Variants in FLRT2 observed in about 807,000 individuals in gnomAD.
FLRT2 encodes the protein leucine-rich repeat transmembrane protein FLRT2.
Under a neutral mutation model 40.0 loss-of-function variants are expected in FLRT2, and 15 were observed. The ratio of observed to expected loss-of-function variants is 0.38; its 90% CI spans 0.25 to 0.58. FLRT2 has a LOEUF of 0.58. Ranked by LOEUF, FLRT2 falls within the 20% of genes least tolerant of loss-of-function variation. The pLI is 0.71. For missense variants in FLRT2, 726 were observed against 840.0 expected, an observed-to-expected ratio of 0.86 and a Z score of 1.68; for synonymous variants, 380 against 336.8, an observed-to-expected ratio of 1.13 and a Z score of -1.41.
At chr14:85,551,755 G>A (rs753298060) in intron 1 of FLRT2, 1 of 152,164 alleles carries the variant, frequency 6.6e-6, no homozygotes, top group Admixed American at 6.5e-5. Flanking sequence ...GTGAGAAAAG[G>A]TAGCCATGTG....
rs1010230322 is a variant in FLRT2 at position 85,538,922 on chromosome 14, A to G, written c.-377+8388A>G. Among the ~76,000 whole-genome samples the G allele has an allele frequency of 2.6e-5, 4 of 152,088 alleles. No individual in the cohort carries two copies. The South Asian group carries it at 8.3e-4, about 32-fold the overall frequency. On this transcript the variant is annotated intron_variant, in intron 1 of 1. Transcript: ENST00000330753. ...TAGCATCTAAACAGCCTCTGTAATG[A>G]TTTCCTCTCCCACTTTGCTCCCAAA...
intron 1 of FLRT2, among the ~76,000 whole-genome samples, chr14:85,611,608 T>C (rs1892864378): frequency 6.6e-6 from 1 of 152,132 alleles, no homozygotes. Context: ...CTTTATAAGA[T>C]GAACCAAGTA....
In FLRT2 at chr14:85,634,737, G is replaced by A. The variant is rs1475868554; in HGVS notation, c.*11240G>A. On this transcript the variant is annotated 3_prime_UTR_variant, in exon 2 of 2. Coordinates refer to ENST00000330753, the MANE Select transcript of FLRT2 (RefSeq NM_013231.6). ...ACAGTAACCATACTGCACAGTGCCT[G>A]ACACATATAAAGTGCTCAATAAATG... 4 of 152,156 alleles carry A rather than the reference G, an allele frequency of 2.6e-5. No homozygotes were observed. Among genetic ancestry groups the A allele is most frequent in the African/African-American group, 9.7e-5 (4 of 41,440 alleles). 9.4% of individuals were successfully genotyped at this position (152,156 alleles called of 1,614,324 possible).
At chr14:85,595,018 C>A (rs1373354262) in intron 1 of FLRT2, among the ~76,000 whole-genome samples, 1 of 151,998 alleles carries the variant, frequency 6.6e-6, no homozygotes, top group East Asian at 1.9e-4. Context: ...AGTTCTTTAT[C>A]CTCATCTTCT....
rs34224453 is a variant in FLRT2 at position 85,642,132 on chromosome 14, C to CAAAAAAAAAAAAAAAAAAAA, written c.*18650_*18651insAAAAAAAAAAAAAAAAAAAA. The CAAAAAAAAAAAAAAAAAAAA allele has an allele frequency of 7.8e-6, 1 of 128,796 alleles. No individual in the cohort carries two copies. The highest frequency in any genetic ancestry group is 1.6e-5 in the Non-Finnish European group (1 of 62,278). The allele number at this position is 128,796 out of a possible 1,614,324, so 8.0% of individuals were successfully genotyped here. A position where few individuals can be genotyped will look rare whatever the true frequency, so the allele number is the denominator to read the frequency against. ...CTTACAGTTTCAAGGTTGCTGTTGA[C>CAAAAAAAAAAAAAAAAAAAA]AAAAAAAAAAAAAAAGAAAGAAAGA... On this transcript the variant is annotated 3_prime_UTR_variant, in exon 2 of 2. Coordinates refer to ENST00000330753, the MANE Select transcript of FLRT2 (RefSeq NM_013231.6).
chr14:85,582,177 C>A (rs929725560), intron 1 of FLRT2, among the ~76,000 whole-genome samples: 2 of 151,962 alleles, frequency 1.3e-5, no homozygotes, highest in Admixed American at 1.3e-4. Flanking sequence ...ACAAATGGAG[C>A]GTTGATAGAA....
chr14:85,595,225 T>C (rs12896658), intron 1 of FLRT2, among the ~76,000 whole-genome samples: 63,769 of 151,866 alleles, frequency 0.42, 13,830 homozygotes, highest in East Asian at 0.77. Flanking sequence ...CCAAGTATAC[T>C]TCCATAATGC....
chr14:85,610,370 A>G (rs1378365040), intron 1 of FLRT2, among the ~76,000 whole-genome samples: 5 of 152,106 alleles, frequency 3.3e-5, no homozygotes, highest in African/African-American at 4.8e-5. Flanking sequence ...CTTCATCATT[A>G]CTTCTCAAGA....
intron 1 of FLRT2, among the ~76,000 whole-genome samples, chr14:85,567,995 A>G (rs1400691046): frequency 1.3e-5 from 2 of 152,022 alleles, no homozygotes; most frequent in Non-Finnish European, 2.9e-5. Flanking sequence ...TAGAAACAGC[A>G]TGACTTGCCG....
chr14:85,587,270 T>C, intron 1 of FLRT2, among the ~76,000 whole-genome samples: 1 of 145,458 alleles, frequency 6.9e-6, no homozygotes, highest in Non-Finnish European at 1.5e-5. Flanking sequence ...ATCCAGTTTG[T>C]AGCTGGCTAA....
intron 1 of FLRT2, among the ~76,000 whole-genome samples, chr14:85,564,055 A>T (rs8014672): frequency 1.3e-5 from 2 of 152,020 alleles, no homozygotes; most frequent in Admixed American, 6.6e-5. Flanking sequence ...TCCTACATAG[A>T]TGAACTTATT....
chr14:85,604,431 C>A lies in FLRT2; in HGVS notation c.-376-16708C>A, dbSNP rs116298307. Among the ~76,000 whole-genome samples, 722 of 152,180 alleles carry A rather than the reference C, an allele frequency of 4.7e-3. 7 individuals are homozygous for A. Among genetic ancestry groups the A allele is most frequent in the African/African-American group, 0.017 (689 of 41,530 alleles). On this transcript the variant is annotated intron_variant, in intron 1 of 1. Coordinates refer to ENST00000330753, the MANE Select transcript of FLRT2 (RefSeq NM_013231.6). ...AATTTACTAAGCACTCGAATCATAT[C>A]TTTGACTTCTTTTGAGCTCCCACCA... is the stretch of plus-strand genomic sequence containing the variant.
At chr14:85,533,818 C>G (rs1256251696) in intron 1 of FLRT2, among the ~76,000 whole-genome samples, 1 of 151,604 alleles carries the variant, frequency 6.6e-6, no homozygotes, top group Non-Finnish European at 1.5e-5. Context: ...TCTGAGGCTC[C>G]GGCCTCCGCA....
At chr14:85,564,011 C>T (rs771921134) in intron 1 of FLRT2, among the ~76,000 whole-genome samples, 11 of 152,088 alleles carry the variant, frequency 7.2e-5, no homozygotes, top group Non-Finnish European at 1.2e-4. Context: ...TTGACACTTA[C>T]GTGGACAGCC....
chr14:85,616,118 C>T lies in FLRT2; in HGVS notation c.-376-5021C>T, dbSNP rs560700087. Reference sequence around the variant, plus strand: ...GTCATCTTTAAGAGACTGGCAAGGACGGGTTCTTGCTGCCCCCAAAGAGCA... The same window carrying T: ...GTCATCTTTAAGAGACTGGCAAGGATGGGTTCTTGCTGCCCCCAAAGAGCA... On this transcript the variant is annotated intron_variant, in intron 1 of 1. Coordinates refer to ENST00000330753, the MANE Select transcript of FLRT2 (RefSeq NM_013231.6). Among the ~76,000 whole-genome samples, 412 of 152,114 alleles carry T rather than the reference C, an allele frequency of 2.7e-3. 4 individuals are homozygous for T. In the Middle Eastern group the frequency reaches 0.031, roughly 11 times the overall value.
chr14:85,533,443 G>T lies in FLRT2; in HGVS notation c.-377+2909G>T, dbSNP rs1888421411. On this transcript the variant is annotated intron_variant, in intron 1 of 1. Transcript: ENST00000330753. Reference sequence around the variant, plus strand: ...CGCCCCCGCGCAGCGCCGCACGCCCGGCTCCGAGCTGTCCGCACACACGCG... The same window carrying T: ...CGCCCCCGCGCAGCGCCGCACGCCCTGCTCCGAGCTGTCCGCACACACGCG... Among the ~76,000 whole-genome samples the T allele has an allele frequency of 3.9e-5, 6 of 152,054 alleles. No homozygotes were observed. The South Asian group carries it at 1.2e-3, about 32-fold the overall frequency.
intron 1 of FLRT2, among the ~76,000 whole-genome samples, chr14:85,576,596 G>A (rs1291459120): frequency 6.6e-6 from 1 of 152,204 alleles, no homozygotes; most frequent in African/African-American, 2.4e-5. Context: ...GCCAAAGACA[G>A]TGTTTTTCAA....
chr14:85,575,757 C>G (rs1211914391), intron 1 of FLRT2, among the ~76,000 whole-genome samples: 1 of 152,156 alleles, frequency 6.6e-6, no homozygotes, highest in East Asian at 1.9e-4. Flanking sequence ...ACAGAATGAG[C>G]CTGGCTTTGT....
At chr14:85,607,681 A>G (rs1892682943) in intron 1 of FLRT2, among the ~76,000 whole-genome samples, 1 of 152,186 alleles carries the variant, frequency 6.6e-6, no homozygotes. Flanking sequence ...AGTTGGTTGT[A>G]AGTGAGCTGT....
Sources: gnomAD v4.1 joint callset for allele counts (sites outside exome capture counted in the v4.1 genomes callset) on GRCh38, gnomAD v4.1.1 for gene constraint, MANE v1.5 for transcripts, NCBI Gene and HGNC (gene_info 2026-07-23, HGNC 2026-07-21) for gene names.